The following OPN3 variants were observed in gnomAD, a reference collection of about 807,000 sequenced individuals.
The protein encoded by OPN3 is opsin 3, also known as opsin-3.
In OPN3, 29 loss-of-function variants were observed where a neutral mutation model predicts 33.8. The observed-to-expected ratio is 0.86, with a 90% CI of 0.64 to 1.17. OPN3 has a LOEUF of 1.17. Among genes scored for constraint, OPN3 ranks in the 50% most tolerant of loss-of-function variants. The pLI, the probability that OPN3 is intolerant of heterozygous loss-of-function variation, is 0.00. For synonymous variants in OPN3, 216 were observed against 216.1 expected (o/e 1.00, Z 0.00); for missense variants, 437 against 514.1 (o/e 0.85, Z 1.45).
chr1:241,600,137 T>C (rs1282938137), intron 2 of OPN3, among the ~76,000 whole-genome samples: 1 of 152,250 alleles, frequency 6.6e-6, no homozygotes, highest in Non-Finnish European at 1.5e-5. Flanking sequence ...TTTATCCATC[T>C]TGGAATTACA....
chr1:241,610,843 A>G (rs1487559550), intron 1 of OPN3, among the ~76,000 whole-genome samples: 1 of 152,218 alleles, frequency 6.6e-6, no homozygotes. Context: ...TTACTCTGTG[A>G]CCATGGGAAA....
At chr1:241,599,601 G>T (rs1331683533) in intron 2 of OPN3, among the ~76,000 whole-genome samples, 2 of 152,080 alleles carry the variant, frequency 1.3e-5, no homozygotes, top group African/African-American at 2.4e-5. Flanking sequence ...TATTTAATGG[G>T]ATAGAATATT....
intron 1 of OPN3, among the ~76,000 whole-genome samples, chr1:241,623,636 C>T (rs1483814205): frequency 1.3e-5 from 2 of 152,234 alleles, no homozygotes; most frequent in Non-Finnish European, 2.9e-5. Flanking sequence ...GAATTACATA[C>T]ATTCAGACAC....
chr1:241,639,154 T>C (rs1371943408), intron 1 of OPN3: 2 of 152,252 alleles, frequency 1.3e-5, no homozygotes, highest in African/African-American at 4.8e-5. Flanking sequence ...AATCTACCGA[T>C]TGCAGAGCTA....
intron 1 of OPN3, among the ~76,000 whole-genome samples, chr1:241,626,531 CATA>C: frequency 6.6e-6 from 1 of 152,204 alleles, no homozygotes; most frequent in Non-Finnish European, 1.5e-5. Flanking sequence ...CTCATTTCTC[CATA>C]ATACTTCACT....
intron 2 of OPN3, among the ~76,000 whole-genome samples, 154 bp downstream of exon 2, chr1:241,604,106 C>T (rs1663754916): frequency 6.6e-6 from 1 of 152,100 alleles, no homozygotes; most frequent in Admixed American, 6.5e-5. Flanking sequence ...GAGAGTGACT[C>T]ATAGCATAAA....
At position 241,634,757 on chromosome 1, in the gene OPN3, T is replaced by C. The variant is rs148647394; in HGVS notation, c.373+5125A>G. On this transcript the variant is annotated intron_variant, in intron 1 of 3. Transcript: ENST00000366554. Reference sequence around the variant, plus strand: ...CATTGCAATTGAGTGCAGTACAAAATGTTGAAGGTTGGGAGTTAGTTTTTT... The same window carrying C: ...CATTGCAATTGAGTGCAGTACAAAACGTTGAAGGTTGGGAGTTAGTTTTTT... 117 of 1,613,884 alleles carry C rather than the reference T, an allele frequency of 7.2e-5. No individual in the cohort carries two copies. The African/African-American group carries it at 1.3e-3, about 17-fold the overall frequency.
In OPN3 at chr1:241,639,891, T is replaced by C. The variant is rs1665050449; in HGVS notation, c.364A>G (p.Ser122Gly). ...VGCVWDGFSG[S>G]LFGIVSIATL... ...TCCCAGTCCAACTCACCGAAGAGGC[T>C]GCCGCTAAACCCGTCCCACACGCAG... Residue 122 changes from serine (S) to glycine (G), a missense_variant, in exon 1 of 4, where the codon AGC (serine) becomes GGC (glycine). By Grantham distance (56) the Ser-to-Gly change is moderately conservative (BLOSUM62 0). Transcript: ENST00000366554. 6.3e-7 allele frequency: 1 copy of C among 1,578,586 alleles called. No individual in the cohort carries two copies. Among genetic ancestry groups the C allele is most frequent in the Non-Finnish European group, 8.6e-7 (1 of 1,161,838 alleles).
chr1:241,639,541 G>C (rs1291939432), intron 1 of OPN3, among the ~76,000 whole-genome samples: 1 of 151,834 alleles, frequency 6.6e-6, no homozygotes, highest in African/African-American at 2.4e-5. Flanking sequence ...AAAAGCCGTG[G>C]TTTCGTGCCT....
intron 1 of OPN3, among the ~76,000 whole-genome samples, chr1:241,614,441 AT>A (rs925297042): frequency 6.6e-6 from 1 of 151,940 alleles, no homozygotes; most frequent in Admixed American, 6.6e-5. Flanking sequence ...CATGCATTGC[AT>A]TTTTTTTCTA....
At chr1:241,612,673 A>G (rs1664028391) in intron 1 of OPN3, among the ~76,000 whole-genome samples, 1 of 152,182 alleles carries the variant, frequency 6.6e-6, no homozygotes, top group South Asian at 2.1e-4. Context: ...TGCTCTATGG[A>G]TAACAGCTTG....
chr1:241,602,858 A>C (rs1202224387), intron 2 of OPN3, among the ~76,000 whole-genome samples: 1 of 152,204 alleles, frequency 6.6e-6, no homozygotes, highest in Non-Finnish European at 1.5e-5. Context: ...CATTCAGTCT[A>C]TAACAGCAAG....
In OPN3 at chr1:241,607,592, GGAAGA is replaced by G. The variant is rs1436751629; in HGVS notation, c.374-3018_374-3014del. ...GAAAGAAAGAAAAGAAAGAAAGAAA[GGAAGA>G]AAGAGAGAAAGGAGGGAAGGAAGGA... On this transcript the variant is annotated intron_variant, in intron 1 of 3. Coordinates refer to ENST00000366554, the MANE Select transcript of OPN3 (RefSeq NM_014322.3). Among the ~76,000 whole-genome samples the G allele has an allele frequency of 1.6e-3, 220 of 135,526 alleles. 2 individuals are homozygous for G. The highest frequency in any genetic ancestry group is 5.6e-3 in the African/African-American group (201 of 35,936). 88.9% of individuals were successfully genotyped at this position (135,526 alleles called of 152,430 possible). A position where few individuals can be genotyped will look rare whatever the true frequency, so the allele number is the denominator to read the frequency against.
Position 241,640,365 on chromosome 1 carries a change from G to T in OPN3, c.-111C>A. The T allele has an allele frequency of 2.0e-6, 2 of 1,013,484 alleles. No homozygotes were observed. The highest frequency in any genetic ancestry group is 2.4e-6 in the Non-Finnish European group (2 of 841,374). 62.8% of individuals were successfully genotyped at this position (1,013,484 alleles called of 1,614,324 possible). On this transcript the variant is annotated 5_prime_UTR_variant, in exon 1 of 4. Coordinates refer to ENST00000366554, the MANE Select transcript of OPN3 (RefSeq NM_014322.3). ...CTCCGCCGCCTGCTCTAGCCATTGT[G>T]CACTGAGGGGCCCGCGCTACCGCGC...
intron 3 of OPN3, among the ~76,000 whole-genome samples, chr1:241,597,031 A>C (rs1327719521): frequency 6.6e-6 from 1 of 151,430 alleles, no homozygotes; most frequent in Non-Finnish European, 1.5e-5. Context: ...GCATCTCATT[A>C]TGTTGCCCAG....
chr1:241,599,459 A>C (rs1049232944), intron 2 of OPN3, among the ~76,000 whole-genome samples: 2 of 152,158 alleles, frequency 1.3e-5, no homozygotes, highest in African/African-American at 4.8e-5. Flanking sequence ...GGTGTGCAGA[A>C]AGGTAAATAA....
chr1:241,624,131 C>A (rs1163174908), intron 1 of OPN3, among the ~76,000 whole-genome samples: 1 of 150,528 alleles, frequency 6.6e-6, no homozygotes, highest in Non-Finnish European at 1.5e-5. Flanking sequence ...CCAGGCCAGG[C>A]ACTCTATGCT....
In OPN3 at chr1:241,594,064, C is replaced by A. The variant is rs113897665; in HGVS notation, c.*364G>T. 1.3e-5 allele frequency: 3 copies of A among 229,958 alleles called. No individual in the cohort carries two copies. The South Asian group carries it at 2.2e-4, about 17-fold the overall frequency. The allele number at this position is 229,958 out of a possible 1,614,324, so 14.2% of individuals were successfully genotyped here. On this transcript the variant is annotated 3_prime_UTR_variant, in exon 4 of 4. Transcript: ENST00000366554. ...TCTAGCTACTTCACACATGTGTACG[C>A]GACAGTTATTTTTACAGTAAGGTAT...
intron 1 of OPN3, among the ~76,000 whole-genome samples, chr1:241,611,493 C>CAAAAAAAAAAAAAAAAAA (rs10645786): frequency 8.1e-6 from 1 of 123,208 alleles, no homozygotes. Flanking sequence ...TTAACAAGGC[C>CAAAAAAAAAAAAAAAAAA]AAAAAAAAAA....
Sources: allele counts gnomAD v4.1 joint callset (sites outside exome capture counted in the v4.1 genomes callset), GRCh38; gene constraint gnomAD v4.1.1; transcripts MANE v1.5; gene names NCBI Gene and HGNC (gene_info 2026-07-23, HGNC 2026-07-21).